SAMD4B: variants seen among roughly 807,000 people sequenced by gnomAD.
SAMD4B encodes the protein sterile alpha motif domain containing 4B.
SAMD4B carries 5 observed loss-of-function variants against 74.5 expected under a neutral mutation model. The observed-to-expected ratio is 0.07, with a 90% CI of 0.04 to 0.14. SAMD4B has a LOEUF of 0.14. SAMD4B is among the 10% of genes least tolerant of loss of function. The pLI, the probability that SAMD4B is intolerant of heterozygous loss-of-function variation, is 1.00. For synonymous variants in SAMD4B, 373 were observed against 374.9 expected (o/e 1.00, Z 0.06); for missense variants, 608 against 921.8 (o/e 0.66, Z 4.41).
intron 3 of SAMD4B, among the ~76,000 whole-genome samples, chr19:39,364,497 G>A (rs1490770387): frequency 6.6e-6 from 1 of 152,228 alleles, no homozygotes; most frequent in East Asian, 1.9e-4. Flanking sequence ...TACAGAGGAG[G>A]AAGCATACTG....
chr19:39,367,063 A>G (rs1431077459), intron 3 of SAMD4B, among the ~76,000 whole-genome samples: 1 of 152,356 alleles, frequency 6.6e-6, no homozygotes, highest in African/African-American at 2.4e-5. Flanking sequence ...CAGCCATGCC[A>G]GGTAGGAATG....
Position 39,376,765 on chromosome 19 carries a change from C to G in SAMD4B, c.1078C>G (p.Gln360Glu). The change falls in exon 7 of 14, where the codon CAG (glutamine) becomes GAG (glutamate). Residue 360 changes from glutamine to glutamate, a missense_variant. Transcript: ENST00000610417. ...GAGCATCCAGAAGCTGCGTGAGAGA[C>G]AGAGCGTCCTCAAGTCCCTAGAGAA... ...ALSIQKLRER[Q>E]SVLKSLEKDV... 1.2e-6 allele frequency: 2 copies of G among 1,614,210 alleles called. No homozygotes were observed. Among genetic ancestry groups the G allele is most frequent in the Non-Finnish European group, 8.5e-7 (1 of 1,180,012 alleles).
intron 2 of SAMD4B, among the ~76,000 whole-genome samples, chr19:39,356,174 A>G (rs2076332430): frequency 6.6e-6 from 1 of 152,146 alleles, no homozygotes; most frequent in Non-Finnish European, 1.5e-5. Flanking sequence ...TCTACCCAGC[A>G]TTGTGGGTCT....
chr19:39,343,779 T>TC (rs201987946), intron 1 of SAMD4B, among the ~76,000 whole-genome samples: 1,829 of 151,870 alleles, frequency 0.012, 11 homozygotes, highest in Non-Finnish European at 0.019. Context: ...GTCCCCCACA[T>TC]CACACGCTCC....
chr19:39,343,439 T>G, intron 1 of SAMD4B, among the ~76,000 whole-genome samples: 1 of 144,032 alleles, frequency 6.9e-6, no homozygotes, highest in Admixed American at 7.1e-5. Flanking sequence ...TGCCCCCAGA[T>G]CCCAAAAACT....
intron 9 of SAMD4B, among the ~76,000 whole-genome samples, chr19:39,379,443 C>T (rs1019491294): frequency 6.6e-5 from 10 of 152,232 alleles, no homozygotes; most frequent in African/African-American, 2.2e-4. Context: ...TCTTCTCCCT[C>T]AGGGAGGGAT....
downstream of SAMD4B, chr19:39,385,856 G>A (rs2078234476): frequency 1.1e-5 from 14 of 1,326,784 alleles, no homozygotes; most frequent in African/African-American, 1.5e-5. Context: ...GGGAAGTAAA[G>A]AGAAGTTGAC....
At chr19:39,352,850 T>A (rs970742837) in intron 1 of SAMD4B, among the ~76,000 whole-genome samples, 3 of 149,814 alleles carry the variant, frequency 2.0e-5, no homozygotes, top group African/African-American at 7.4e-5. Context: ...GGTCTGTTTG[T>A]GGATTTGGTC....
In SAMD4B at chr19:39,357,153, G is replaced by A. The variant is rs895367760; in HGVS notation, c.196+64G>A. 7 of 1,429,468 alleles carry A rather than the reference G, an allele frequency of 4.9e-6. No individual in the cohort carries two copies. In the Admixed American group the frequency reaches 1.5e-4, roughly 30 times the overall value. 88.5% of individuals were successfully genotyped at this position (1,429,468 alleles called of 1,614,324 possible). ...GGAGACCTGGAACAGATGTCACATGGCTAAGAAGGTCAACCCAACAATGGG... is the reference window on the plus strand; with the variant it reads ...GGAGACCTGGAACAGATGTCACATGACTAAGAAGGTCAACCCAACAATGGG... On this transcript the variant is annotated intron_variant, in intron 3 of 13. Transcript: ENST00000610417.
chr19:39,345,865 A>C (rs2075667016), intron 1 of SAMD4B, among the ~76,000 whole-genome samples: 4 of 147,876 alleles, frequency 2.7e-5, no homozygotes, highest in Admixed American at 6.7e-5. Context: ...CTCTCCTCTC[A>C]CCTCCCTTTT....
Position 39,383,455 on chromosome 19 carries a change from C to A in SAMD4B, c.2057-44C>A. The A allele has an allele frequency of 6.2e-7, 1 of 1,608,666 alleles. No individual in the cohort carries two copies. The highest frequency in any genetic ancestry group is 8.5e-7 in the Non-Finnish European group (1 of 1,175,024). On this transcript the variant is annotated intron_variant, in intron 13 of 13. Transcript: ENST00000610417. This position sits in a 1 kb window ranked among gnomAD's most constrained non-coding sequence, Gnocchi z 4.1. Reference sequence around the variant, plus strand: ...CCTGAGTGCCTTTTCTTGGGCCTCCCTCCAGCTCCTGATCTTCCTCCCTTC... The same window carrying A: ...CCTGAGTGCCTTTTCTTGGGCCTCCATCCAGCTCCTGATCTTCCTCCCTTC...
chr19:39,361,380 G>T (rs1369981620), intron 3 of SAMD4B, among the ~76,000 whole-genome samples: 1 of 152,080 alleles, frequency 6.6e-6, no homozygotes, highest in Admixed American at 6.6e-5. Flanking sequence ...ACTTTGGGAG[G>T]CCGAGGCAGG....
downstream of SAMD4B, chr19:39,390,169 C>T (rs747366818): frequency 1.2e-6 from 2 of 1,613,562 alleles, no homozygotes; most frequent in East Asian, 2.2e-5. Flanking sequence ...GACCTAGGAA[C>T]ATTAGTGGCT....
intron 3 of SAMD4B, among the ~76,000 whole-genome samples, chr19:39,359,367 A>G (rs750361785): frequency 6.6e-6 from 1 of 152,234 alleles, no homozygotes; most frequent in Non-Finnish European, 1.5e-5. Flanking sequence ...AGATAGTACA[A>G]AAGGTGAAAG....
downstream of SAMD4B, chr19:39,390,102 G>C: frequency 1.2e-6 from 2 of 1,613,970 alleles, no homozygotes; most frequent in Non-Finnish European, 1.7e-6. Flanking sequence ...GATGAACTTG[G>C]GGTCGAAGGG....
chr19:39,344,980 C>T (rs749323543), intron 1 of SAMD4B, among the ~76,000 whole-genome samples: 3 of 152,210 alleles, frequency 2.0e-5, no homozygotes, highest in Non-Finnish European at 4.4e-5. Context: ...TCCCCTATAG[C>T]AGTGGTTCTC....
In SAMD4B at chr19:39,375,740, C is replaced by T. The variant is rs776542405; in HGVS notation, c.758C>T (p.Pro253Leu). The change falls in exon 5 of 14, where the codon CCA becomes CTA. Residue 253 changes from proline to leucine, a missense_variant. Coordinates refer to ENST00000610417, the MANE Select transcript of SAMD4B (RefSeq NM_001384574.2). This position sits in a 1 kb window ranked among gnomAD's most constrained non-coding sequence, Gnocchi z 4.1. Reference sequence around the variant, plus strand: ...CAGGTCCCTGGTGAGTGGCCGAGTCCAGAGGAGCTTGGGGCCCGGGCTGCT... The same window carrying T: ...CAGGTCCCTGGTGAGTGGCCGAGTCTAGAGGAGCTTGGGGCCCGGGCTGCT... ...SPQVPGEWPS[P>L]EELGARAAFT... The T allele has an allele frequency of 1.9e-6, 3 of 1,614,056 alleles. No homozygotes were observed. The highest frequency in any genetic ancestry group is 2.5e-6 in the Non-Finnish European group (3 of 1,180,040).
At position 39,385,394 on chromosome 19, in the gene SAMD4B, C is replaced by T; in HGVS notation, c.*1867C>T. 4.9e-6 allele frequency: 2 copies of T among 406,366 alleles called. No homozygotes were observed. Among genetic ancestry groups the T allele is most frequent in the Non-Finnish European group, 8.7e-6 (2 of 230,364 alleles). 25.2% of individuals were successfully genotyped at this position (406,366 alleles called of 1,614,324 possible). A position where few individuals can be genotyped will look rare whatever the true frequency, so the allele number is the denominator to read the frequency against. On this transcript the variant is annotated 3_prime_UTR_variant, in exon 14 of 14. Coordinates refer to ENST00000610417, the MANE Select transcript of SAMD4B (RefSeq NM_001384574.2). ...TGGCACTGGGAGGTGGTGAGGGACA[C>T]CGTCTCACACACACAGGGAGGCAAG...
intron 3 of SAMD4B, among the ~76,000 whole-genome samples, chr19:39,362,407 C>G (rs1287893489): frequency 6.6e-6 from 1 of 152,130 alleles, no homozygotes. Flanking sequence ...TGGCCTAGGT[C>G]ATCGCTTCCT....
Sources: allele counts gnomAD v4.1 joint callset (sites outside exome capture counted in the v4.1 genomes callset), GRCh38; gene constraint gnomAD v4.1.1; non-coding constraint Gnocchi (gnomAD v3.1); transcripts MANE v1.5; gene names NCBI Gene and HGNC (gene_info 2026-07-23, HGNC 2026-07-21).